MDN1: variants seen among roughly 807,000 people sequenced by gnomAD.
MDN1 encodes midasin.
A neutral mutation model predicts 669.2 loss-of-function variants in MDN1; 266 were observed. That is an observed-to-expected ratio of 0.40 (90% CI 0.36 to 0.44). MDN1 has a LOEUF of 0.44. MDN1 is among the 20% of genes least tolerant of loss of function. The pLI, the probability that MDN1 is intolerant of heterozygous loss-of-function variation, is 1.00. For synonymous variants in MDN1, 2,385 were observed against 2,457.1 expected (o/e 0.97, Z 0.87); for missense variants, 5,940 against 6,754.0 (o/e 0.88, Z 4.22).
chr6:89,656,647 A>G, intron 91 of MDN1, 53 bp downstream of exon 91: 1 of 1,338,690 alleles, frequency 7.5e-7, no homozygotes, highest in Non-Finnish European at 1.0e-6. Context: ...CGTTTGGAAC[A>G]TCTTTTTCTA....
chr6:89,799,736 T>A (rs1018658970), intron 2 of MDN1, among the ~76,000 whole-genome samples: 1 of 152,198 alleles, frequency 6.6e-6, no homozygotes, highest in Non-Finnish European at 1.5e-5. Flanking sequence ...TGCATTTTCC[T>A]ACCACAACGG....
In MDN1 at chr6:89,695,560, C is replaced by T. The variant is rs781082006; in HGVS notation, c.9771+45G>A. The T allele has an allele frequency of 2.6e-6, 4 of 1,534,614 alleles. No homozygotes were observed. The South Asian group carries it at 5.1e-5, about 20-fold the overall frequency. On this transcript the variant is annotated intron_variant, in intron 61 of 101. Transcript: ENST00000369393. This position sits in a 1 kb window ranked among gnomAD's most constrained non-coding sequence, Gnocchi z 4.1. ...GGAGTAATACAATAAGCAAACCCAGCACGTCAGGGAAGGAGCCCATGCTCC... is the reference window on the plus strand; with the variant it reads ...GGAGTAATACAATAAGCAAACCCAGTACGTCAGGGAAGGAGCCCATGCTCC...
intron 29 of MDN1, among the ~76,000 whole-genome samples, chr6:89,744,831 C>T (rs918626194): frequency 6.7e-6 from 1 of 149,990 alleles, no homozygotes; most frequent in African/African-American, 2.4e-5. Context: ...TGCAGTGAGC[C>T]GTATCGCACC....
intron 53 of MDN1, among the ~76,000 whole-genome samples, chr6:89,704,462 G>A (rs1813389993): frequency 6.6e-6 from 1 of 152,240 alleles, no homozygotes; most frequent in African/African-American, 2.4e-5. Context: ...TCACAAGTGT[G>A]ACTTTTTACT....
At chr6:89,701,420 C>G (rs1239744843) in intron 55 of MDN1, 138 bp downstream of exon 55, 3 of 1,129,644 alleles carry the variant, frequency 2.7e-6, no homozygotes, top group Non-Finnish European at 3.8e-6. Flanking sequence ...CAATCACCCC[C>G]AGATGCCAAA....
intron 33 of MDN1, among the ~76,000 whole-genome samples, chr6:89,736,551 G>C (rs1234187583): frequency 6.6e-6 from 1 of 152,162 alleles, no homozygotes; most frequent in East Asian, 1.9e-4. Flanking sequence ...AGCACTTAGG[G>C]AGGGCAAAGC....
chr6:89,770,915 A>T (rs1194364604), intron 15 of MDN1, among the ~76,000 whole-genome samples: 1 of 151,794 alleles, frequency 6.6e-6, no homozygotes, highest in Non-Finnish European at 1.5e-5. Context: ...AAGGGCCTCA[A>T]GTGTTCATTA....
intron 53 of MDN1, among the ~76,000 whole-genome samples, 184 bp from the exon 54 acceptor site, chr6:89,702,245 A>G (rs1813208502): frequency 6.6e-6 from 1 of 152,262 alleles, no homozygotes; most frequent in South Asian, 2.1e-4. Context: ...ACTGGAATAT[A>G]TGTAGGAACA....
Position 89,756,342 on chromosome 6 carries a change from C to G in MDN1, c.2751G>C (p.Gln917His), listed in dbSNP as rs1310960235. The change falls in exon 20 of 102, where the codon CAG (glutamine) becomes CAC (histidine). Residue 917 changes from glutamine to histidine, a missense_variant. Transcript: ENST00000369393. ...CTTTCAGATAATCTACAATAAGAAC[C>G]TGTAAGTCTTCTTTGCTTTCTAATT... ...VEELESKEDL[Q>H]VLIVDYLKGL... 1.2e-6 allele frequency: 2 copies of G among 1,603,384 alleles called. No homozygotes were observed. Among genetic ancestry groups the G allele is most frequent in the East Asian group, 2.2e-5 (1 of 44,534 alleles).
chr6:89,782,868 A>C (rs991832378), intron 9 of MDN1, among the ~76,000 whole-genome samples: 2 of 152,174 alleles, frequency 1.3e-5, no homozygotes, highest in Non-Finnish European at 2.9e-5. Flanking sequence ...GCAGAGGAAA[A>C]TAAATTGCGA....
intron 36 of MDN1, 145 bp downstream of exon 36, chr6:89,728,786 C>CTA (rs1815392232): frequency 1.2e-6 from 1 of 859,160 alleles, no homozygotes; most frequent in African/African-American, 1.7e-5. Context: ...GAACGAGACT[C>CTA]TGTCTCAAAA....
At chr6:89,730,206 A>T (rs1161811355) in intron 35 of MDN1, among the ~76,000 whole-genome samples, 1 of 152,200 alleles carries the variant, frequency 6.6e-6, no homozygotes, top group Non-Finnish European at 1.5e-5. Context: ...AGACTACTGC[A>T]TTTCCCATTT....
At chr6:89,714,495 T>G (rs1215074304) in intron 46 of MDN1, 48 bp downstream of exon 46, 2 of 1,434,294 alleles carry the variant, frequency 1.4e-6, no homozygotes, top group Admixed American at 4.4e-5. Flanking sequence ...TGACATAAAT[T>G]TCTTGAAGAC....
Position 89,719,193 on chromosome 6 carries a change from T to C in MDN1, c.6000A>G (p.Ser2000=). ...VIAVFKDVFG[S]NSNPYMGTRL... The stretch of plus-strand genomic sequence containing the variant: ...TGGTTCCCATGTATGGGTTGGAATT[T>C]GAACCAAACACATCCTTGAATACAG... Residue 2000 remains serine (S), a synonymous_variant, in exon 41 of 102, where the codon TCA becomes TCG. Transcript: ENST00000369393. The C allele has an allele frequency of 1.2e-6, 2 of 1,613,826 alleles. No homozygotes were observed. The highest frequency in any genetic ancestry group is 1.7e-6 in the Non-Finnish European group (2 of 1,179,738).
chr6:89,652,904 T>C, intron 94 of MDN1, 88 bp downstream of exon 94: 1 of 1,382,554 alleles, frequency 7.2e-7, no homozygotes, highest in Non-Finnish European at 9.9e-7. Flanking sequence ...CATAAAGTTC[T>C]AAAGACAAAG....
At chr6:89,736,804 GAA>G (rs1047621072) in intron 33 of MDN1, among the ~76,000 whole-genome samples, 3 of 152,090 alleles carry the variant, frequency 2.0e-5, no homozygotes, top group Non-Finnish European at 4.4e-5. Flanking sequence ...CAACCCCCCA[GAA>G]AAGTCTGTAT....
intron 92 of MDN1, among the ~76,000 whole-genome samples, chr6:89,655,231 C>T (rs1184597316): frequency 1.3e-5 from 2 of 152,070 alleles, no homozygotes; most frequent in African/African-American, 4.8e-5. Context: ...AAACTGAAGT[C>T]ACCAAGAGAA....
At chr6:89,705,157 C>T (rs948458749) in intron 53 of MDN1, among the ~76,000 whole-genome samples, 1 of 152,170 alleles carries the variant, frequency 6.6e-6, no homozygotes, top group African/African-American at 2.4e-5. Flanking sequence ...TACAACAGTT[C>T]CACATTTCTC....
At chr6:89,773,346 C>T (rs190568922) in intron 13 of MDN1, among the ~76,000 whole-genome samples, 2 of 151,954 alleles carry the variant, frequency 1.3e-5, no homozygotes, top group Non-Finnish European at 2.9e-5. Flanking sequence ...TCAAGACCAG[C>T]CTGGCCAATA....
Sources: allele counts gnomAD v4.1 joint callset (sites outside exome capture counted in the v4.1 genomes callset), GRCh38; gene constraint gnomAD v4.1.1; non-coding constraint Gnocchi (gnomAD v3.1); transcripts MANE v1.5; gene names NCBI Gene and HGNC (gene_info 2026-07-23, HGNC 2026-07-21).